The following ZNF487 variants were observed in gnomAD, a reference collection of about 807,000 sequenced individuals.
ZNF487 encodes the protein KRAB domain only 1.
A neutral mutation model predicts 3.0 loss-of-function variants in ZNF487; 4 were observed. The ratio of observed to expected loss-of-function variants is 1.35; its 90% CI spans 0.66 to 3.08. The LOEUF is 3.08. ZNF487 is among the 30% of genes most tolerant of loss of function. The pLI is 0.01. For synonymous variants in ZNF487, 55 were observed against 34.6 expected, an observed-to-expected ratio of 1.59 and a Z score of -2.06; for missense variants, 146 against 98.7, an observed-to-expected ratio of 1.48 and a Z score of -2.03.
intron 1 of ZNF487, among the ~76,000 whole-genome samples, chr10:43,474,712 A>G (rs1841030002): frequency 6.6e-6 from 1 of 151,660 alleles, no homozygotes; most frequent in South Asian, 2.1e-4. Context: ...CCTCCCCAGT[A>G]GCCGGAATTA....
At chr10:43,493,792 A>G in the ZNF487 span, among the ~76,000 whole-genome samples, 2 of 147,844 alleles carry the variant, frequency 1.4e-5, no homozygotes, top group Non-Finnish European at 3.0e-5. Flanking sequence ...TAAGAAAACT[A>G]CCCACACTCC....
intron 2 of ZNF487, 116 bp downstream of exon 2, chr10:43,475,963 C>T: frequency 3.1e-6 from 2 of 649,722 alleles, no homozygotes; most frequent in South Asian, 3.6e-5. Flanking sequence ...GGAGTTGAAG[C>T]TTGATTGATC....
chr10:43,440,821 G>A (rs936833820), intron 1 of ZNF487, among the ~76,000 whole-genome samples: 3 of 151,584 alleles, frequency 2.0e-5, no homozygotes, highest in African/African-American at 7.3e-5. Context: ...AAAATTGTTT[G>A]TATCCCAAAA....
rs1023956426 is a variant in ZNF487, at chr10:43,457,558, G to GA, written c.-93-18145dup. Among the ~76,000 whole-genome samples, 771 of 136,972 alleles carry GA rather than the reference G, an allele frequency of 5.6e-3. 10 individuals carry two copies. Among genetic ancestry groups the GA allele is most frequent in the African/African-American group, 6.8e-3 (239 of 35,062 alleles). The allele number at this position is 136,972 out of a possible 152,430, so 89.9% of individuals were successfully genotyped here. On this transcript the variant is annotated intron_variant, in intron 1 of 3. Transcript: ENST00000437590. ...CGACAAAGCAAGACTCTGTCTTGGG[G>GA]AAAAAAAAAAAAAAAAAAGAAAAAG...
At chr10:43,451,621 A>G (rs1353708172) in intron 1 of ZNF487, among the ~76,000 whole-genome samples, 1 of 150,576 alleles carries the variant, frequency 6.6e-6, no homozygotes, top group East Asian at 1.9e-4. Context: ...GCTGGAGTGC[A>G]ATGGCGTGAT....
At chr10:43,479,973 T>TC (rs1371789934) in intron 3 of ZNF487, among the ~76,000 whole-genome samples, 1 of 37,146 alleles carries the variant, frequency 2.7e-5, no homozygotes, top group Non-Finnish European at 7.9e-5. Flanking sequence ...TTTCTTTCTT[T>TC]TCTTTCTTTC....
intron 1 of ZNF487, among the ~76,000 whole-genome samples, chr10:43,461,901 G>T (rs1461403151): frequency 6.6e-6 from 1 of 152,072 alleles, no homozygotes; most frequent in Admixed American, 6.6e-5. Context: ...TGGGTGGCAG[G>T]TGTGTTTGTT....
intron 1 of ZNF487, among the ~76,000 whole-genome samples, chr10:43,466,385 CTTTTCTTT>C (rs1198803913): frequency 6.6e-6 from 1 of 150,856 alleles, no homozygotes; most frequent in East Asian, 2.0e-4. Flanking sequence ...TTTTTGTTTT[CTTTTCTTT>C]TTTTCTTTCT....
chr10:43,519,294 A>G, the ZNF487 span, among the ~76,000 whole-genome samples: 1 of 151,988 alleles, frequency 6.6e-6, no homozygotes, highest in African/African-American at 2.4e-5. Context: ...CTTACTTTCT[A>G]CTGACATCAC....
chr10:43,498,072 A>ATT, the ZNF487 span, among the ~76,000 whole-genome samples: 109 of 50,236 alleles, frequency 2.2e-3, 1 homozygote, highest in African/African-American at 3.7e-3. Context: ...TGTATTTGGT[A>ATT]TTTTATATAT....
At position 43,482,048 on chromosome 10, in the gene ZNF487, T is replaced by C. The variant is rs904537580; in HGVS notation, c.*126T>C. On this transcript the variant is annotated 3_prime_UTR_variant, in exon 4 of 4. Transcript: ENST00000437590. ...AGGAGGTCTGGTGAGAGGCCACCTG[T>C]AAATAAACACCACAGGGTTATGGAG... 1 of 580,740 alleles carries C rather than the reference T, an allele frequency of 1.7e-6. No individual in the cohort carries two copies. The highest frequency in any genetic ancestry group is 3.0e-6 in the Non-Finnish European group (1 of 330,590). The allele number at this position is 580,740 out of a possible 1,614,324, so 36.0% of individuals were successfully genotyped here.
chr10:43,498,078 TA>T, the ZNF487 span, among the ~76,000 whole-genome samples: 88 of 6,676 alleles, frequency 0.013, 2 homozygotes, highest in African/African-American at 0.048. Flanking sequence ...TGGTATTTTA[TA>T]TATATATATA....
intron 1 of ZNF487, among the ~76,000 whole-genome samples, chr10:43,466,049 G>C (rs540867527): frequency 9.2e-5 from 14 of 152,310 alleles, no homozygotes; most frequent in East Asian, 5.8e-4. Context: ...CCAGTCAGGC[G>C]TGGCGGTGCG....
the ZNF487 span, among the ~76,000 whole-genome samples, chr10:43,518,206 C>T: frequency 1.3e-5 from 2 of 152,180 alleles, no homozygotes; most frequent in African/African-American, 2.4e-5. Context: ...CCAGACATTA[C>T]TGATAGTGAC....
chr10:43,480,400 C>A (rs1451220886), intron 3 of ZNF487, among the ~76,000 whole-genome samples: 2 of 151,426 alleles, frequency 1.3e-5, no homozygotes, highest in African/African-American at 4.9e-5. Flanking sequence ...GCCACCGCAC[C>A]TGGCCACTTT....
intron 1 of ZNF487, among the ~76,000 whole-genome samples, chr10:43,456,415 C>T (rs945354767): frequency 2.6e-5 from 4 of 152,144 alleles, no homozygotes; most frequent in Non-Finnish European, 5.9e-5. Context: ...AATGCCTGTG[C>T]TCCACAAGCC....
the ZNF487 span, among the ~76,000 whole-genome samples, chr10:43,493,162 G>A: frequency 2.6e-5 from 4 of 152,102 alleles, no homozygotes; most frequent in African/African-American, 7.2e-5. Context: ...CCTGGGAGGC[G>A]GAGGTTGCGG....
chr10:43,521,226 C>A, the ZNF487 span, among the ~76,000 whole-genome samples: 2 of 152,230 alleles, frequency 1.3e-5, no homozygotes, highest in East Asian at 3.9e-4. Context: ...GTTAGCTAAT[C>A]CATACATAAT....
chr10:43,480,508 C>T (rs781749517), intron 3 of ZNF487, among the ~76,000 whole-genome samples: 8 of 151,958 alleles, frequency 5.3e-5, no homozygotes, highest in African/African-American at 9.7e-5. Flanking sequence ...CTCTGCCTCA[C>T]GGGTTCAAGC....
Sources: gnomAD v4.1 joint callset for allele counts (sites outside exome capture counted in the v4.1 genomes callset) on GRCh38, gnomAD v4.1.1 for gene constraint, MANE v1.5 for transcripts, NCBI Gene and HGNC (gene_info 2026-07-23, HGNC 2026-07-21) for gene names.